The following SLC5A2 variants were observed in gnomAD, a reference collection of about 807,000 sequenced individuals.
The protein encoded by SLC5A2 is sodium/glucose cotransporter 2.
Under a neutral mutation model 69.0 loss-of-function variants are expected in SLC5A2, and 67 were observed. That is an observed-to-expected ratio of 0.97 (90% CI 0.80 to 1.19). The LOEUF (loss-of-function observed/expected upper bound fraction) is 1.19, where lower values mean the gene tolerates loss of function less well. Among genes scored for constraint, SLC5A2 ranks in the 50% most tolerant of loss-of-function variants. The pLI is 0.00. For missense variants in SLC5A2, 1,001 were observed against 921.5 expected (o/e 1.09, Z -1.12); for synonymous variants, 455 against 395.8 (o/e 1.15, Z -1.78).
chr16:31,485,966 A>G, intron 4 of SLC5A2, 73 bp downstream of exon 4: 1 of 1,544,082 alleles, frequency 6.5e-7, no homozygotes, highest in Non-Finnish European at 8.9e-7. Context: ...AGAACCCTAG[A>G]GGGCGTGAGA....
At position 31,485,822 on chromosome 16, in the gene SLC5A2, T is replaced by G; in HGVS notation, c.397T>G (p.Phe133Val). 6.2e-7 allele frequency: 1 copy of G among 1,613,356 alleles called. No homozygotes were observed. Among genetic ancestry groups the G allele is most frequent in the Non-Finnish European group, 8.5e-7 (1 of 1,180,018 alleles). The change falls in exon 4 of 14, where the codon TTC becomes GTC. Residue 133 changes from phenylalanine to valine, a missense_variant. Phe to Val is a conservative substitution (Grantham distance 50, BLOSUM62 -1). Coordinates refer to ENST00000330498, the MANE Select transcript of SLC5A2 (RefSeq NM_003041.4). ...ITMPQYLRKR[F>V]GGRRIRLYLS... The stretch of plus-strand genomic sequence containing the variant: ...GATGCCACAGTACCTGCGCAAGCGC[T>G]TCGGCGGCCGCCGCATCCGCCTCTA...
Position 31,485,994 on chromosome 16 carries a change from C to T in SLC5A2, c.468+101C>T, listed in dbSNP as rs1030878710. The T allele has an allele frequency of 2.6e-5, 36 of 1,378,356 alleles. No homozygotes were observed. In the Admixed American group the frequency reaches 3.4e-4, roughly 13 times the overall value. The allele number at this position is 1,378,356 out of a possible 1,614,324, so 85.4% of individuals were successfully genotyped here. A position where few individuals can be genotyped will look rare whatever the true frequency, so the allele number is the denominator to read the frequency against. On this transcript the variant is annotated intron_variant, in intron 4 of 13. Transcript: ENST00000330498. ...GCGTGAGACCTAGGAGAAACCACTGCGAGGGTTATGATGATGGAGGCAGAG... is the reference window on the plus strand; with the variant it reads ...GCGTGAGACCTAGGAGAAACCACTGTGAGGGTTATGATGATGGAGGCAGAG...
chr16:31,489,071 C>G (rs376282006), intron 11 of SLC5A2, 23 bp downstream of exon 11: 1 of 1,602,540 alleles, frequency 6.2e-7, no homozygotes, highest in Admixed American at 1.7e-5. Context: ...CGCGTGGTGA[C>G]GGCAGGGCTG....
At position 31,488,780 on chromosome 16, in the gene SLC5A2, C is replaced by T. The variant is rs758880470; in HGVS notation, c.1280+8C>T. On this transcript the variant is annotated splice_region_variant and intron_variant, in intron 10 of 13. Coordinates refer to ENST00000330498, the MANE Select transcript of SLC5A2 (RefSeq NM_003041.4). ...GCTGCTGCTGGTGGGACGGTGCGGC[C>T]TGGGCTCCCCTCCTCCCCAACGGAT... 2.5e-6 allele frequency: 4 copies of T among 1,600,280 alleles called. No individual in the cohort carries two copies. Among genetic ancestry groups the T allele is most frequent in the South Asian group, 2.2e-5 (2 of 90,734 alleles).
In SLC5A2 at chr16:31,488,440, G is replaced by A. The variant is rs545822212; in HGVS notation, c.1079G>A (p.Gly360Asp). 2 of 1,611,542 alleles carry A rather than the reference G, an allele frequency of 1.2e-6. No individual in the cohort carries two copies. The highest frequency in any genetic ancestry group is 1.7e-5 in the Admixed American group (1 of 59,898). ...VCRRVCGTEVGCSNIAYPRLV... is the reference protein window; with the variant it reads ...VCRRVCGTEVDCSNIAYPRLV... ...AGGCGCGTGTGCGGCACGGAGGTGG[G>A]CTGCTCCAACATCGCCTACCCGCGG... The change falls in exon 9 of 14, where the codon GGC becomes GAC. Residue 360 changes from glycine to aspartate, a missense_variant. Physicochemically the swap from Gly to Asp is moderately conservative, Grantham distance 94. Transcript: ENST00000330498.
At position 31,489,063 on chromosome 16, in the gene SLC5A2, C is replaced by A. The variant is rs770565642; in HGVS notation, c.1449+15C>A. 1 of 1,601,992 alleles carries A rather than the reference C, an allele frequency of 6.2e-7. No homozygotes were observed. The highest frequency in any genetic ancestry group is 1.7e-5 in the Admixed American group (1 of 60,014). On this transcript the variant is annotated intron_variant, in intron 11 of 13. Coordinates refer to ENST00000330498, the MANE Select transcript of SLC5A2 (RefSeq NM_003041.4). ...TTAATGAGCAGGTGAGCGGCACGCG[C>A]GTGGTGACGGCAGGGCTGGGCTTGC...
intron 12 of SLC5A2, chr16:31,489,712 G>A: frequency 2.2e-6 from 1 of 455,668 alleles, no homozygotes; most frequent in Non-Finnish European, 4.1e-6. Context: ...AGGGTGGGGT[G>A]AGGACAGGAC....
rs1168451959 is a variant in SLC5A2 at position 31,488,472 on chromosome 16, G to A, written c.1111G>A (p.Val371Met). 6.2e-7 allele frequency: 1 copy of A among 1,609,434 alleles called. No individual in the cohort carries two copies. The highest frequency in any genetic ancestry group is 2.2e-5 in the East Asian group (1 of 44,710). Residue 371 changes from valine (V) to methionine (M), a missense_variant, in exon 9 of 14, where the codon GTG becomes ATG. Coordinates refer to ENST00000330498, the MANE Select transcript of SLC5A2 (RefSeq NM_003041.4). Reference sequence around the variant, plus strand: ...CAACATCGCCTACCCGCGGCTCGTCGTGAAGCTCATGCCCAACGGTAAGGG... The same window carrying A: ...CAACATCGCCTACCCGCGGCTCGTCATGAAGCTCATGCCCAACGGTAAGGG... ...CSNIAYPRLVVKLMPNGLRGL... is the reference protein window; with the variant it reads ...CSNIAYPRLVMKLMPNGLRGL...
Position 31,487,529 on chromosome 16 carries a change from G to A in SLC5A2, c.656-1G>A, listed in dbSNP as rs1419742393. On this transcript the variant is annotated splice_acceptor_variant, in intron 6 of 13. Transcript: ENST00000330498. LOFTEE classifies it high-confidence loss of function. The stretch of plus-strand genomic sequence containing the variant: ...GGTCCCCTGACGGCCTTGCCCGGCA[G>A]CCTTCCACGAGGTGGGCGGGTATTC... 2 of 1,613,692 alleles carry A rather than the reference G, an allele frequency of 1.2e-6. No homozygotes were observed. The highest frequency in any genetic ancestry group is 1.7e-6 in the Non-Finnish European group (2 of 1,179,954).
chr16:31,488,540 C>G (rs1596620201), intron 9 of SLC5A2, 50 bp downstream of exon 9: 1 of 1,602,014 alleles, frequency 6.2e-7, no homozygotes, highest in South Asian at 1.1e-5. Context: ...GAGCCCGCTG[C>G]TGGGAGGGGT....
At chr16:31,487,984 G>A in intron 7 of SLC5A2, 54 bp from the exon 8 acceptor site, 1 of 1,603,204 alleles carries the variant, frequency 6.2e-7, no homozygotes, top group African/African-American at 1.3e-5. Flanking sequence ...AACGGGGCGC[G>A]GGGCGGGGCC....
chr16:31,484,716 T>C lies in SLC5A2; in HGVS notation c.170T>C (p.Leu57Pro), dbSNP rs1477114969. Residue 57 changes from leucine to proline, a missense_variant, in exon 2 of 14, where the codon CTG (leucine) becomes CCG (proline). Coordinates refer to ENST00000330498, the MANE Select transcript of SLC5A2 (RefSeq NM_003041.4). The part of the protein sequence containing the change: ...TNRGTVGGYF[L>P]AGRSMVWWPV... ...AGAGGCACTGTGGGCGGCTACTTCC[T>C]GGCAGGACGCAGCATGGTGTGGTGG... is the stretch of plus-strand genomic sequence containing the variant. 12 of 1,609,774 alleles carry C rather than the reference T, an allele frequency of 7.5e-6. No individual in the cohort carries two copies. Among genetic ancestry groups the C allele is most frequent in the Non-Finnish European group, 1.0e-5 (12 of 1,180,032 alleles).
intron 6 of SLC5A2, 64 bp downstream of exon 6, chr16:31,487,464 C>T (rs552582681): frequency 1.5e-5 from 24 of 1,608,890 alleles, no homozygotes; most frequent in African/African-American, 2.7e-5. Context: ...GGCCTGCGCG[C>T]GGGGCCGTTG....
intron 1 of SLC5A2, among the ~76,000 whole-genome samples, chr16:31,484,255 C>T (rs1291079861): frequency 4.0e-5 from 6 of 150,768 alleles, no homozygotes; most frequent in Non-Finnish European, 8.8e-5. Flanking sequence ...CACACACACA[C>T]ACGCACACAC....
At position 31,488,020 on chromosome 16, in the gene SLC5A2, T is replaced by C; in HGVS notation, c.886-18T>C. On this transcript the variant is annotated intron_variant, in intron 7 of 13. Coordinates refer to ENST00000330498, the MANE Select transcript of SLC5A2 (RefSeq NM_003041.4). ...GAGGGGAGGCCCGCAAGCGGGCAGC[T>C]GAACGCCCCTCCCGTAGGTCATCGT... The C allele has an allele frequency of 6.2e-7, 1 of 1,611,978 alleles. No homozygotes were observed. Among genetic ancestry groups the C allele is most frequent in the South Asian group, 1.1e-5 (1 of 91,062 alleles).
intron 5 of SLC5A2, 58 bp downstream of exon 5, chr16:31,486,333 C>T: frequency 7.2e-7 from 1 of 1,382,296 alleles, no homozygotes; most frequent in South Asian, 1.2e-5. Flanking sequence ...CAGCTGTGGC[C>T]AGGGTTTAGG....
intron 7 of SLC5A2, 96 bp downstream of exon 7, chr16:31,487,855 C>A (rs975514717): frequency 5.6e-6 from 8 of 1,430,174 alleles, no homozygotes; most frequent in South Asian, 1.3e-5. Context: ...CGGTCTAAGG[C>A]GCAGTCTGAG....
chr16:31,485,107 C>A, intron 3 of SLC5A2, 184 bp downstream of exon 3: 1 of 687,144 alleles, frequency 1.5e-6, no homozygotes, highest in Non-Finnish European at 2.6e-6. Flanking sequence ...CAGGGGTGAC[C>A]ACTGTTGGTC....
chr16:31,488,364 G>T lies in SLC5A2; in HGVS notation c.1022-19G>T, dbSNP rs774025072. On this transcript the variant is annotated intron_variant, in intron 8 of 13. Coordinates refer to ENST00000330498, the MANE Select transcript of SLC5A2 (RefSeq NM_003041.4). Reference sequence around the variant, plus strand: ...AGACCAGGCCCCGTCCTAACGGCGCGGTGGCCTCTCTCTGGCAGACGAGGT... The same window carrying T: ...AGACCAGGCCCCGTCCTAACGGCGCTGTGGCCTCTCTCTGGCAGACGAGGT... 9 of 1,609,760 alleles carry T rather than the reference G, an allele frequency of 5.6e-6. No homozygotes were observed. The Admixed American group carries it at 1.3e-4, about 24-fold the overall frequency.
Sources: allele counts gnomAD v4.1 joint callset (sites outside exome capture counted in the v4.1 genomes callset), GRCh38; gene constraint gnomAD v4.1.1; transcripts MANE v1.5; gene names NCBI Gene and HGNC (gene_info 2026-07-23, HGNC 2026-07-21).